The following TJP1 variants were observed in gnomAD, a reference collection of about 807,000 sequenced individuals.
TJP1 encodes the protein tight junction protein 1.
In TJP1, 43 loss-of-function variants were observed where a neutral mutation model predicts 194.2. The observed-to-expected ratio is 0.22, with a 90% CI of 0.17 to 0.29. TJP1 has a LOEUF of 0.29. Among genes scored for constraint, TJP1 ranks in the 10% least tolerant of loss-of-function variants. The pLI, the probability that TJP1 is intolerant of heterozygous loss-of-function variation, is 1.00. For missense variants in TJP1, 1,971 were observed against 2,185.7 expected (o/e 0.90, Z 1.96); for synonymous variants, 801 against 779.0 (o/e 1.03, Z -0.47).
chr15:29,839,359 T>C (rs1478404709), intron 2 of TJP1, among the ~76,000 whole-genome samples: 1 of 152,108 alleles, frequency 6.6e-6, no homozygotes, highest in Non-Finnish European at 1.5e-5. Flanking sequence ...ATAAAAATAG[T>C]GGCTGGGTAC....
At chr15:29,867,276 C>A (rs1278477564) in intron 2 of TJP1, among the ~76,000 whole-genome samples, 2 of 152,096 alleles carry the variant, frequency 1.3e-5, no homozygotes, top group East Asian at 3.9e-4. Context: ...GCAAATGGCA[C>A]TTTATGAGCA....
intron 18 of TJP1, among the ~76,000 whole-genome samples, 172 bp downstream of exon 18, chr15:29,726,207 C>T (rs1220701532): frequency 6.6e-6 from 1 of 152,152 alleles, no homozygotes; most frequent in Non-Finnish European, 1.5e-5. Flanking sequence ...CTCTTACCAT[C>T]AGAAACAACT....
chr15:29,814,495 ATTAAGT>A (rs1316376809), intron 1 of TJP1, among the ~76,000 whole-genome samples: 1 of 152,226 alleles, frequency 6.6e-6, no homozygotes, highest in African/African-American at 2.4e-5. Flanking sequence ...CTAATCTTAT[ATTAAGT>A]TTAACTGGTG....
At chr15:29,961,569 T>C (rs1522645) in intron 1 of TJP1, among the ~76,000 whole-genome samples, 64,995 of 151,936 alleles carry the variant, frequency 0.43, 14,475 homozygotes, top group African/African-American at 0.55. Flanking sequence ...TAACTTCCCT[T>C]GTGAGAGTGT....
chr15:29,812,644 T>C (rs140213278), intron 1 of TJP1, among the ~76,000 whole-genome samples: 1 of 152,178 alleles, frequency 6.6e-6, no homozygotes, highest in Non-Finnish European at 1.5e-5. Flanking sequence ...TAAAAGGATG[T>C]GAATGTATGA....
At chr15:29,835,346 CATTT>C (rs2050991309) in intron 2 of TJP1, among the ~76,000 whole-genome samples, 1 of 152,100 alleles carries the variant, frequency 6.6e-6, no homozygotes, top group Admixed American at 6.5e-5. Context: ...AAGCTGGGCA[CATTT>C]AAAAACATAC....
At position 29,718,894 on chromosome 15, in the gene TJP1, C is replaced by T. The variant is rs535849228; in HGVS notation, c.3248G>A (p.Arg1083His). 4.1e-5 allele frequency: 66 copies of T among 1,614,120 alleles called. No homozygotes were observed. The East Asian group carries it at 1.1e-3, about 26-fold the overall frequency. Reference protein sequence around the residue: ...NYEHRLRYEDRVPMYEEQWSY... With the variant: ...NYEHRLRYEDHVPMYEEQWSY... ...CCACTGTTCTTCATACATGGGGACG[C>T]GATCTTCGTATCGCAGACGATGTTC... is the stretch of plus-strand genomic sequence containing the variant. The change falls in exon 21 of 28, where the codon CGC becomes CAC. Residue 1083 changes from arginine (R) to histidine (H), a missense_variant. Coordinates refer to ENST00000614355, the MANE Select transcript of TJP1 (RefSeq NM_001330239.4).
At chr15:29,766,182 A>G in intron 5 of TJP1, 84 bp downstream of exon 5, 1 of 1,510,904 alleles carries the variant, frequency 6.6e-7, no homozygotes, top group Non-Finnish European at 8.9e-7. Flanking sequence ...AAGCAAAGAC[A>G]TGAAGAGACA....
intron 2 of TJP1, among the ~76,000 whole-genome samples, chr15:29,930,361 T>G (rs2152269200): frequency 6.6e-6 from 1 of 152,322 alleles, no homozygotes; most frequent in South Asian, 2.1e-4. Context: ...TTACAAAATC[T>G]TAGGCAACAC....
intron 1 of TJP1, among the ~76,000 whole-genome samples, chr15:29,817,148 TA>T (rs2049982367): frequency 6.6e-6 from 1 of 152,108 alleles, no homozygotes; most frequent in South Asian, 2.1e-4. Context: ...GGGCAAAGAA[TA>T]TGAACAGACA....
intron 2 of TJP1, among the ~76,000 whole-genome samples, chr15:29,919,486 C>T (rs139202625): frequency 5.3e-4 from 81 of 152,274 alleles, no homozygotes; most frequent in Middle Eastern, 3.4e-3. Flanking sequence ...TGTCCTGGTG[C>T]AGTTTTCATT....
Position 29,719,133 on chromosome 15 carries a change from A to G in TJP1, c.3009T>C (p.Tyr1003=), listed in dbSNP as rs199821691. ...LSSHVDPTKV[Y]RKDPYPEEMM... ...TTTCCTCGGGATATGGATCCTTTCT[A>G]TACACCTGTATAAAAAATTCACATT... Residue 1003 remains tyrosine, a synonymous_variant, in exon 21 of 28, where the codon TAT becomes TAC. Coordinates refer to ENST00000614355, the MANE Select transcript of TJP1 (RefSeq NM_001330239.4). 11 of 1,578,910 alleles carry G rather than the reference A, an allele frequency of 7.0e-6. No individual in the cohort carries two copies. The highest frequency in any genetic ancestry group is 1.4e-5 in the African/African-American group (1 of 72,896).
At chr15:29,763,150 T>G (rs1473179745) in intron 5 of TJP1, among the ~76,000 whole-genome samples, 2 of 152,120 alleles carry the variant, frequency 1.3e-5, no homozygotes, top group Admixed American at 1.3e-4. Flanking sequence ...ATAATGCCAA[T>G]CCTTTCCTTT....
chr15:29,935,969 T>C (rs1348719716), intron 2 of TJP1, among the ~76,000 whole-genome samples: 1 of 152,134 alleles, frequency 6.6e-6, no homozygotes, highest in Non-Finnish European at 1.5e-5. Flanking sequence ...TCTCCTTTTC[T>C]GGTCCTCAGC....
chr15:29,922,525 C>T (rs2054398595), intron 2 of TJP1, among the ~76,000 whole-genome samples: 1 of 152,082 alleles, frequency 6.6e-6, no homozygotes, highest in Admixed American at 6.6e-5. Context: ...CTTCAGTTAG[C>T]AGTTTAGAGT....
intron 2 of TJP1, among the ~76,000 whole-genome samples, chr15:29,907,400 C>T (rs943001161): frequency 1.3e-5 from 2 of 152,018 alleles, no homozygotes; most frequent in South Asian, 2.1e-4. Flanking sequence ...CAGAGCGAGA[C>T]TCCATCTCAA....
At chr15:29,801,418 T>C (rs1021793185) in intron 1 of TJP1, among the ~76,000 whole-genome samples, 6 of 152,190 alleles carry the variant, frequency 3.9e-5, no homozygotes, top group Admixed American at 2.6e-4. Flanking sequence ...ACTTCAGTTT[T>C]ACCTCCTGTC....
chr15:29,753,422 C>T (rs961164448), intron 8 of TJP1, among the ~76,000 whole-genome samples: 82 of 141,766 alleles, frequency 5.8e-4, no homozygotes, highest in East Asian at 2.1e-4. Flanking sequence ...AGGCGGAGCT[C>T]GCAGTGAGCC....
chr15:29,713,175 C>T (rs1464249314), intron 23 of TJP1, among the ~76,000 whole-genome samples: 3 of 152,204 alleles, frequency 2.0e-5, no homozygotes, highest in Non-Finnish European at 4.4e-5. Flanking sequence ...GGAAGTCTCA[C>T]ATAGTGAGTT....
Sources: gnomAD v4.1 joint callset for allele counts (sites outside exome capture counted in the v4.1 genomes callset) on GRCh38, gnomAD v4.1.1 for gene constraint, MANE v1.5 for transcripts, NCBI Gene and HGNC (gene_info 2026-07-23, HGNC 2026-07-21) for gene names.